Variants in MAP3K14 observed in about 807,000 individuals in gnomAD.
MAP3K14 encodes NF-kappa-beta-inducing kinase.
A neutral mutation model predicts 99.2 loss-of-function variants in MAP3K14; 16 were observed. The ratio of observed to expected loss-of-function variants is 0.16; its 90% confidence interval spans 0.11 to 0.24. The LOEUF (loss-of-function observed/expected upper bound fraction) is 0.24, where lower values mean the gene tolerates loss of function less well. Ranked by LOEUF, MAP3K14 falls within the 10% of genes least tolerant of loss-of-function variation. The pLI, the probability that MAP3K14 is intolerant of heterozygous loss-of-function variation, is 1.00. For missense variants in MAP3K14, 784 were observed against 1,208.7 expected, an observed-to-expected ratio of 0.65 and a Z score of 5.21; for synonymous variants, 462 against 492.4, an observed-to-expected ratio of 0.94 and a Z score of 0.82.
Position 45,271,017 on chromosome 17 carries a change from T to C in MAP3K14, c.1821+41A>G, listed in dbSNP as rs776093851. 3.1e-6 allele frequency: 5 copies of C among 1,596,426 alleles called. No individual in the cohort carries two copies. In the South Asian group the frequency reaches 5.6e-5, roughly 18 times the overall value. Reference sequence around the variant, plus strand: ...GCCTGCAGCCTGGGCCCCAGGGCCCTGCAGCTCCCCCTGTTGGCCATGCTG... The same window carrying C: ...GCCTGCAGCCTGGGCCCCAGGGCCCCGCAGCTCCCCCTGTTGGCCATGCTG... On this transcript the variant is annotated intron_variant, in intron 10 of 15. Coordinates refer to ENST00000344686, the MANE Select transcript of MAP3K14 (RefSeq NM_003954.5).
Position 45,267,037 on chromosome 17 carries a change from G to T in MAP3K14, c.2433+55C>A. The T allele has an allele frequency of 7.6e-7, 1 of 1,311,714 alleles. No individual in the cohort carries two copies. Among genetic ancestry groups the T allele is most frequent in the Non-Finnish European group, 1.1e-6 (1 of 930,218 alleles). The allele number at this position is 1,311,714 out of a possible 1,614,324, so 81.3% of individuals were successfully genotyped here. On this transcript the variant is annotated intron_variant, in intron 13 of 15. Coordinates refer to ENST00000344686, the MANE Select transcript of MAP3K14 (RefSeq NM_003954.5). The surrounding 1 kb of genome is among the most constrained non-coding windows in gnomAD (Gnocchi z 5.1). ...ACGCAAAGCTACTTGCTCTGTGCCA[G>T]GGCCGGGAAAACCACACCCCTGGAG...
chr17:45,286,395 T>C lies in MAP3K14; in HGVS notation c.1152+36A>G, dbSNP rs1014763214. On this transcript the variant is annotated intron_variant, in intron 5 of 15. Transcript: ENST00000344686. This position sits in a 1 kb window ranked among gnomAD's most constrained non-coding sequence, Gnocchi z 4.1. ...AGAAAAGCATCCCCCAGGTTGCTGG[T>C]AGAGGGACATATACAGGTGCCGGGG... 1.3e-6 allele frequency: 2 copies of C among 1,529,972 alleles called. No homozygotes were observed. Among genetic ancestry groups the C allele is most frequent in the Non-Finnish European group, 1.8e-6 (2 of 1,137,068 alleles). 94.8% of individuals were successfully genotyped at this position (1,529,972 alleles called of 1,614,324 possible). A position where few individuals can be genotyped will look rare whatever the true frequency, so the allele number is the denominator to read the frequency against.
At chr17:45,304,927 G>A (rs560491009) in intron 1 of MAP3K14, among the ~76,000 whole-genome samples, 4 of 151,950 alleles carry the variant, frequency 2.6e-5, no homozygotes, top group East Asian at 1.9e-4. Flanking sequence ...AATTTTACAC[G>A]GTGACTCAAT....
chr17:45,274,575 G>A lies in MAP3K14; in HGVS notation c.1309C>T (p.Arg437Trp), dbSNP rs1420773946. 1.2e-6 allele frequency: 2 copies of A among 1,613,646 alleles called. No homozygotes were observed. The highest frequency in any genetic ancestry group is 1.7e-5 in the Admixed American group (1 of 59,990). Residue 437 changes from arginine to tryptophan, a missense_variant, in exon 7 of 16, where the codon CGG (arginine) becomes TGG (tryptophan). Coordinates refer to ENST00000344686, the MANE Select transcript of MAP3K14 (RefSeq NM_003954.5). The part of the protein sequence containing the change: ...AVKKVRLEVF[R>W]AEELMACAGL... ...GCACATGCCATCAGCTCCTCTGCCC[G>A]AAATACTTCCAGCCGCACCTGCAAG...
intron 14 of MAP3K14, among the ~76,000 whole-genome samples, chr17:45,265,995 G>A (rs750934561): frequency 1.3e-4 from 20 of 152,246 alleles, no homozygotes; most frequent in Non-Finnish European, 2.5e-4. Flanking sequence ...GCCAGCCATG[G>A]GGCCCTGATG....
chr17:45,271,286 C>T, intron 9 of MAP3K14, 65 bp from the exon 10 acceptor site: 1 of 1,427,164 alleles, frequency 7.0e-7, no homozygotes, highest in Non-Finnish European at 9.6e-7. Context: ...AGGCAATGGC[C>T]ACCCTGGTTA....
intron 6 of MAP3K14, among the ~76,000 whole-genome samples, chr17:45,274,795 CTTAA>C (rs769854087): frequency 1.2e-4 from 18 of 152,164 alleles, no homozygotes; most frequent in Non-Finnish European, 2.2e-4. Context: ...ACTTCTTGTA[CTTAA>C]TTAAAGTTCT....
chr17:45,267,285 G>C lies in MAP3K14; in HGVS notation c.2327-87C>G, dbSNP rs967463358. 5 of 1,378,036 alleles carry C rather than the reference G, an allele frequency of 3.6e-6. No homozygotes were observed. In the African/African-American group the frequency reaches 7.2e-5, roughly 20 times the overall value. 85.4% of individuals were successfully genotyped at this position (1,378,036 alleles called of 1,614,324 possible). ...GGTTCTTCCTGCACAGTCGGTAGAA[G>C]CTGAGCTGCTGGGGAAGGGGCTGGA... is the stretch of plus-strand genomic sequence containing the variant. On this transcript the variant is annotated intron_variant, in intron 12 of 15. Coordinates refer to ENST00000344686, the MANE Select transcript of MAP3K14 (RefSeq NM_003954.5). This position sits in a 1 kb window ranked among gnomAD's most constrained non-coding sequence, Gnocchi z 5.1.
intron 15 of MAP3K14, 125 bp from the exon 16 acceptor site, chr17:45,264,925 G>A (rs970294843): frequency 1.0e-5 from 11 of 1,056,862 alleles, no homozygotes; most frequent in South Asian, 3.2e-5. Context: ...GTCATTCCAC[G>A]GGACTCAGAG....
intron 1 of MAP3K14, among the ~76,000 whole-genome samples, chr17:45,296,938 T>C (rs553801306): frequency 2.6e-5 from 4 of 152,334 alleles, no homozygotes; most frequent in African/African-American, 9.6e-5. Context: ...TGCCAGGGAA[T>C]GTAATAGCCA....
chr17:45,265,275 A>G lies in MAP3K14; in HGVS notation c.2579-12T>C, dbSNP rs1316140416. ...TTGGACTTTCACACCTAGAAGGCGG[A>G]CAAGGTGATAGTCAGGAGAGCGGCT... On this transcript the variant is annotated splice_polypyrimidine_tract_variant and intron_variant, in intron 14 of 15. Transcript: ENST00000344686. 11 of 1,574,202 alleles carry G rather than the reference A, an allele frequency of 7.0e-6. No individual in the cohort carries two copies. Among genetic ancestry groups the G allele is most frequent in the African/African-American group, 4.0e-5 (3 of 74,128 alleles).
intron 7 of MAP3K14, 74 bp downstream of exon 7, chr17:45,274,390 G>C: frequency 6.3e-7 from 1 of 1,595,406 alleles, no homozygotes; most frequent in Admixed American, 1.7e-5. Context: ...CAGTGACCAA[G>C]GCCAACTTGG....
intron 3 of MAP3K14, among the ~76,000 whole-genome samples, chr17:45,287,803 C>T (rs1383502646): frequency 6.6e-6 from 1 of 152,178 alleles, no homozygotes; most frequent in East Asian, 1.9e-4. Context: ...GGCCTCTCAG[C>T]TCTGACTGAG....
intron 1 of MAP3K14, among the ~76,000 whole-genome samples, chr17:45,294,069 A>G (rs1439352853): frequency 6.6e-6 from 1 of 152,176 alleles, no homozygotes; most frequent in African/African-American, 2.4e-5. Flanking sequence ...GGAGCCAGTT[A>G]TGTCTCTGCC....
intron 3 of MAP3K14, 106 bp downstream of exon 3, chr17:45,289,130 G>C (rs1337099735): frequency 1.1e-6 from 1 of 916,950 alleles, no homozygotes. Context: ...CACAGGTGCT[G>C]AGGGAGGGAG....
chr17:45,274,103 C>A lies in MAP3K14; in HGVS notation c.1552+20G>T. 6.2e-7 allele frequency: 1 copy of A among 1,607,328 alleles called. No individual in the cohort carries two copies. Among genetic ancestry groups the A allele is most frequent in the South Asian group, 1.1e-5 (1 of 90,022 alleles). ...GAGAAGAGCCTGCTGGGGATCAGGG[C>A]CGTGGGGCCTGGGCCTTACCTTTGA... On this transcript the variant is annotated intron_variant, in intron 8 of 15. Coordinates refer to ENST00000344686, the MANE Select transcript of MAP3K14 (RefSeq NM_003954.5).
intron 1 of MAP3K14, chr17:45,291,024 G>A (rs183146823): frequency 3.0e-4 from 120 of 395,518 alleles, no homozygotes; most frequent in African/African-American, 2.3e-3. Context: ...TGTCCAGCAA[G>A]GATGCCAGCC....
chr17:45,306,403 G>A (rs181981764), intron 1 of MAP3K14, among the ~76,000 whole-genome samples: 119 of 148,182 alleles, frequency 8.0e-4, no homozygotes, highest in African/African-American at 2.8e-3. Flanking sequence ...GACTGGCCTG[G>A]GAGGAAGCAC....
intron 9 of MAP3K14, among the ~76,000 whole-genome samples, chr17:45,271,635 T>G (rs2044143323): frequency 6.6e-6 from 1 of 152,236 alleles, no homozygotes. Context: ...CATGAGCCAC[T>G]GTGCCCGGAC....
Sources: gnomAD v4.1 joint callset for allele counts (sites outside exome capture counted in the v4.1 genomes callset) on GRCh38, gnomAD v4.1.1 for gene constraint, Gnocchi (gnomAD v3.1) non-coding constraint, MANE v1.5 for transcripts, NCBI Gene and HGNC (gene_info 2026-07-23, HGNC 2026-07-21) for gene names.